Variants in DUS3L observed in about 807,000 individuals in gnomAD.
DUS3L encodes the protein dihydrouridine synthase 3 like.
A neutral mutation model predicts 74.6 loss-of-function variants in DUS3L; 62 were observed. The observed-to-expected ratio is 0.83, with a 90% CI of 0.68 to 1.03. The LOEUF is 1.03. Among genes scored for constraint, DUS3L ranks in the 50% least tolerant of loss-of-function variants. DUS3L has a pLI of 0.00. For missense variants in DUS3L, 884 were observed against 924.4 expected, an observed-to-expected ratio of 0.96 and a Z score of 0.57; for synonymous variants, 433 against 395.7, an observed-to-expected ratio of 1.09 and a Z score of -1.12.
intron 3 of DUS3L, 142 bp downstream of exon 3, chr19:5,789,065 A>T: frequency 1.6e-6 from 2 of 1,253,450 alleles, no homozygotes; most frequent in Non-Finnish European, 2.1e-6. Flanking sequence ...GAGCACAGAG[A>T]GGGAGACTCA....
intron 3 of DUS3L, 39 bp downstream of exon 3, chr19:5,789,168 A>G: frequency 6.6e-7 from 1 of 1,504,654 alleles, no homozygotes. Context: ...CGCACACCAG[A>G]TGGACAGATC....
chr19:5,788,465 TC>T, intron 3 of DUS3L, 67 bp from the exon 4 acceptor site: 1 of 1,555,752 alleles, frequency 6.4e-7, no homozygotes, highest in Non-Finnish European at 8.7e-7. Flanking sequence ...CCCTGGAGCC[TC>T]CCTTCTACCC....
In DUS3L at chr19:5,785,811, C is replaced by T. The variant is rs771921932; in HGVS notation, c.1563-20G>A. ...GCGCCACTGTGGGACGGGTGACGATCAGTGGGCCCAGCCACCAGCCTGCCT... is the reference window on the plus strand; with the variant it reads ...GCGCCACTGTGGGACGGGTGACGATTAGTGGGCCCAGCCACCAGCCTGCCT... On this transcript the variant is annotated intron_variant, in intron 10 of 12. Coordinates refer to ENST00000309061, the MANE Select transcript of DUS3L (RefSeq NM_020175.3). 7 of 1,554,364 alleles carry T rather than the reference C, an allele frequency of 4.5e-6. No homozygotes were observed. The African/African-American group carries it at 9.5e-5, about 21-fold the overall frequency.
chr19:5,788,497 C>A, intron 3 of DUS3L, 99 bp from the exon 4 acceptor site: 2 of 1,400,174 alleles, frequency 1.4e-6, no homozygotes, highest in South Asian at 2.5e-5. Flanking sequence ...ACACACTTGG[C>A]CCAAATGGTC....
rs903958914 is a variant in DUS3L, at chr19:5,790,345, G to T, written c.99-10C>A. The T allele has an allele frequency of 2.5e-6, 4 of 1,613,662 alleles. No homozygotes were observed. In the African/African-American group the frequency reaches 4.0e-5, roughly 16 times the overall value. The stretch of plus-strand genomic sequence containing the variant: ...CTTGGTGGTGAGGTATCTGCCGACA[G>T]AAAGGGAAAGGAAAACCCTCCGAAC... On this transcript the variant is annotated splice_polypyrimidine_tract_variant and intron_variant, in intron 1 of 12. Coordinates refer to ENST00000309061, the MANE Select transcript of DUS3L (RefSeq NM_020175.3).
intron 3 of DUS3L, 22 bp from the exon 4 acceptor site, chr19:5,788,420 C>CA (rs750586664): frequency 6.2e-7 from 1 of 1,609,034 alleles, no homozygotes; most frequent in Admixed American, 1.7e-5. Context: ...AAAATACACA[C>CA]AAGTGGAGCT....
chr19:5,785,149 A>T lies in DUS3L; in HGVS notation c.*54T>A. 1 of 1,543,028 alleles carries T rather than the reference A, an allele frequency of 6.5e-7. No individual in the cohort carries two copies. The highest frequency in any genetic ancestry group is 8.8e-7 in the Non-Finnish European group (1 of 1,140,166). On this transcript the variant is annotated 3_prime_UTR_variant, in exon 13 of 13. Transcript: ENST00000309061. ...CACAGAAAGGCCTGGATTTTAAAAG[A>T]ATAAAATTTATTGTACTCTCCTCGC...
Position 5,788,047 on chromosome 19 carries a change from A to C in DUS3L, c.1072T>G (p.Cys358Gly). 6 of 1,613,538 alleles carry C rather than the reference A, an allele frequency of 3.7e-6. No individual in the cohort carries two copies. The highest frequency in any genetic ancestry group is 5.1e-6 in the Non-Finnish European group (6 of 1,179,990). ...ACCTGGACGCCAAAGATGTCCTCAC[A>C]CTGGTGGCGTTTGAGTAGGGCCCAC... ...SEWALLKRHQ[C>G]EDIFGVQLEG... is the part of the protein sequence containing the mutation. The change falls in exon 5 of 13, where the codon TGT becomes GGT. Residue 358 changes from cysteine to glycine, a missense_variant. By Grantham distance (159) the Cys-to-Gly change is radical. Coordinates refer to ENST00000309061, the MANE Select transcript of DUS3L (RefSeq NM_020175.3).
chr19:5,788,438 C>CA (rs1181525163), intron 3 of DUS3L, 40 bp from the exon 4 acceptor site: 19 of 1,595,548 alleles, frequency 1.2e-5, no homozygotes, highest in Non-Finnish European at 1.5e-5. Flanking sequence ...GCTTGGCCTC[C>CA]ACCCCAGCTG....
chr19:5,788,290 C>A (rs548104445), intron 4 of DUS3L, 67 bp downstream of exon 4: 102 of 1,611,902 alleles, frequency 6.3e-5, no homozygotes, highest in Non-Finnish European at 8.4e-5. Context: ...GGGACAGACA[C>A]TAAGCCCTGT....
intron 6 of DUS3L, 90 bp downstream of exon 6, chr19:5,787,499 A>G: frequency 1.9e-6 from 3 of 1,541,774 alleles, no homozygotes; most frequent in Middle Eastern, 1.7e-4. Flanking sequence ...CTTGAGCCCA[A>G]ACCCCTGACC....
chr19:5,785,729 G>A lies in DUS3L; in HGVS notation c.1625C>T (p.Ser542Leu), dbSNP rs544571310. Reference protein sequence around the residue: ...EIKEQRHWDISSSERLDILRD... With the variant: ...EIKEQRHWDILSSERLDILRD... ...CAGGATGTCCAGGCGCTCGGACGAC[G>A]AGATGTCCCAGTGCCGCTGCTCCTT... Residue 542 changes from serine to leucine, a missense_variant, in exon 11 of 13, where the codon TCG becomes TTG. Transcript: ENST00000309061. 59 of 1,611,616 alleles carry A rather than the reference G, an allele frequency of 3.7e-5. 1 individual carries two copies. In the Admixed American group the frequency reaches 7.0e-4, roughly 19 times the overall value.
chr19:5,789,836 C>T, intron 2 of DUS3L, 117 bp from the exon 3 acceptor site: 1 of 1,396,080 alleles, frequency 7.2e-7, no homozygotes, highest in Non-Finnish European at 9.7e-7. Flanking sequence ...GCAAGTCAGG[C>T]ACCTCACCGT....
In DUS3L at chr19:5,787,703, C is replaced by T; in HGVS notation, c.1098G>A (p.Leu366=). ...TCATGGTGTCGGGGAAGGCGCCCTC[C>T]AGCTGTAGGTGGGTAGTGGCAGAAC... ...HQCEDIFGVQ[L]EGAFPDTMTK... The change falls in exon 6 of 13, where the codon CTG becomes CTA. Residue 366 remains leucine, a splice_region_variant and synonymous_variant. Transcript: ENST00000309061. 2 of 1,613,104 alleles carry T rather than the reference C, an allele frequency of 1.2e-6. No homozygotes were observed. The highest frequency in any genetic ancestry group is 1.7e-6 in the Non-Finnish European group (2 of 1,179,930).
intron 3 of DUS3L, among the ~76,000 whole-genome samples, chr19:5,788,904 A>G (rs931209380): frequency 4.6e-5 from 7 of 151,960 alleles, no homozygotes; most frequent in African/African-American, 1.7e-4. Context: ...ATAGGGTTTC[A>G]CCATGATGGC....
chr19:5,787,897 G>A (rs2056869883), intron 5 of DUS3L, 127 bp downstream of exon 5: 14 of 1,472,528 alleles, frequency 9.5e-6, no homozygotes, highest in Non-Finnish European at 1.1e-5. Context: ...GTGGATCAGG[G>A]CATCACCCCC....
At position 5,790,015 on chromosome 19, in the gene DUS3L, C is replaced by T. The variant is rs770545508; in HGVS notation, c.387+32G>A. On this transcript the variant is annotated intron_variant, in intron 2 of 12. Transcript: ENST00000309061. Reference sequence around the variant, plus strand: ...GGAAACACACCCTGCTCCTGCCTGCCCCGGCAGGAATGCTCACGTGGCCGC... The same window carrying T: ...GGAAACACACCCTGCTCCTGCCTGCTCCGGCAGGAATGCTCACGTGGCCGC... 5.0e-6 allele frequency: 8 copies of T among 1,606,672 alleles called. No homozygotes were observed. The South Asian group carries it at 7.7e-5, about 15-fold the overall frequency.
chr19:5,787,183 T>TGGGAGAC lies in DUS3L; in HGVS notation c.1279-13_1279-12insGTCTCCC. The TGGGAGAC allele has an allele frequency of 7.6e-6, 1 of 130,954 alleles. No individual in the cohort carries two copies. Among genetic ancestry groups the TGGGAGAC allele is most frequent in the Non-Finnish European group, 1.0e-5 (1 of 99,398 alleles). The allele number at this position is 130,954 out of a possible 1,614,324, so 8.1% of individuals were successfully genotyped here. On this transcript the variant is annotated splice_polypyrimidine_tract_variant and intron_variant, in intron 7 of 12. Transcript: ENST00000309061. ...GGCACATCCAGCACCTACAGGACGG[T>TGGGAGAC]GGTGGGAGGTGGTGGGAGATGGTGG...
At position 5,791,094 on chromosome 19, in the gene DUS3L, G is replaced by A. The variant is rs953313578; in HGVS notation, c.48C>T (p.Gly16=). 1.9e-6 allele frequency: 3 copies of A among 1,609,250 alleles called. No individual in the cohort carries two copies. The African/African-American group carries it at 4.0e-5, about 21-fold the overall frequency. The change falls in exon 1 of 13, where the codon GGC becomes GGT. Residue 16 remains glycine, a synonymous_variant. Transcript: ENST00000309061. The part of the protein sequence containing the change: ...AEAPLENGGG[G]DSGAGALERG... ...GTTCCAAAGCTCCGGCTCCCGAGTC[G>A]CCACCACCACCATTCTCTAGAGGAG...
Sources: gnomAD v4.1 joint callset for allele counts (sites outside exome capture counted in the v4.1 genomes callset) on GRCh38, gnomAD v4.1.1 for gene constraint, MANE v1.5 for transcripts, NCBI Gene and HGNC (gene_info 2026-07-23, HGNC 2026-07-21) for gene names.